Variants in EVC observed in about 807,000 individuals in gnomAD.
EVC encodes the protein EvC ciliary complex subunit 1, also known as evC complex member EVC.
In EVC, 116 loss-of-function variants were observed where a neutral mutation model predicts 118.9. The observed-to-expected ratio is 0.98, with a 90% CI of 0.84 to 1.14. The LOEUF (loss-of-function observed/expected upper bound fraction) is 1.14. EVC is among the 50% of genes most tolerant of loss of function. EVC has a pLI of 0.00. For missense variants in EVC, 1,401 were observed against 1,246.4 expected (o/e 1.12, Z -1.87); for synonymous variants, 619 against 534.7 (o/e 1.16, Z -2.18).
intron 11 of EVC, among the ~76,000 whole-genome samples, chr4:5,782,275 G>A (rs181391201): frequency 1.1e-3 from 162 of 151,138 alleles, no homozygotes; most frequent in Non-Finnish European, 1.8e-3. Context: ...GGGTTTCACC[G>A]TGTTGGCCAG....
chr4:5,809,186 C>A (rs779943381), intron 18 of EVC, among the ~76,000 whole-genome samples: 13 of 152,218 alleles, frequency 8.5e-5, no homozygotes, highest in Non-Finnish European at 1.9e-4. Context: ...TAGAGCCCAG[C>A]CTGTGGAGTC....
In EVC at chr4:5,745,278, G is replaced by A. The variant is rs902304992; in HGVS notation, c.876G>A (p.Glu292=). ...NTEMSGAGDS[E]YITLADVEKK... ...AAATGTCGGGGGCTGGTGACTCTGA[G>A]TACATCACCCTGGCTGATGTGGAAA... The change falls in exon 7 of 21, where the codon GAG becomes GAA. Residue 292 remains glutamate (E), a synonymous_variant. Transcript: ENST00000264956. The A allele has an allele frequency of 1.9e-6, 3 of 1,613,918 alleles. No homozygotes were observed. The highest frequency in any genetic ancestry group is 3.3e-5 in the Admixed American group (2 of 60,020).
At chr4:5,766,692 G>C (rs1188247789) in intron 11 of EVC, among the ~76,000 whole-genome samples, 1 of 133,810 alleles carries the variant, frequency 7.5e-6, no homozygotes, top group Non-Finnish European at 1.6e-5. Context: ...CCAGTTGATC[G>C]CATCGGCTCC....
chr4:5,808,071 C>A, intron 17 of EVC, 130 bp from the exon 18 acceptor site: 2 of 753,098 alleles, frequency 2.7e-6, no homozygotes, highest in Non-Finnish European at 4.5e-6. Flanking sequence ...GTGAATGGTG[C>A]CCCCGATGGC....
chr4:5,824,689 C>G, the EVC span: 5 of 967,536 alleles, frequency 5.2e-6, no homozygotes, highest in Non-Finnish European at 6.0e-6. Flanking sequence ...GATGTTGCCT[C>G]TTAGCTTACA....
the EVC span, among the ~76,000 whole-genome samples, chr4:5,820,070 C>A: frequency 1.3e-5 from 2 of 152,066 alleles, no homozygotes; most frequent in Non-Finnish European, 2.9e-5. Flanking sequence ...GGATTCAAAT[C>A]CTGGTTCCAT....
intron 4 of EVC, among the ~76,000 whole-genome samples, chr4:5,732,799 C>G (rs900105647): frequency 6.6e-6 from 1 of 152,126 alleles, no homozygotes; most frequent in Non-Finnish European, 1.5e-5. Flanking sequence ...TGCTTGAGCT[C>G]GGGAGTTTAA....
intron 18 of EVC, among the ~76,000 whole-genome samples, chr4:5,808,760 G>A (rs190288796): frequency 1.2e-4 from 19 of 152,184 alleles, no homozygotes; most frequent in Non-Finnish European, 2.9e-5. Context: ...GATATAAAGT[G>A]CATATTTCAT....
the EVC span, chr4:5,825,728 A>G: frequency 3.9e-6 from 6 of 1,545,086 alleles, no homozygotes; most frequent in Non-Finnish European, 5.3e-6. The surrounding 1 kb of genome is among the most constrained non-coding windows in gnomAD (Gnocchi z 4.4). Context: ...CAGATAAAGC[A>G]GAGCCCTGCG....
At position 5,734,427 on chromosome 4, in the gene EVC, C is replaced by T. The variant is rs143160141; in HGVS notation, c.702+992C>T. ...GGCTGAGGTGGGAGGATTGCTTAAG[C>T]CCAGGAATTTGAGACCAGCCTGGGC... On this transcript the variant is annotated intron_variant, in intron 5 of 20. Coordinates refer to ENST00000264956, the MANE Select transcript of EVC (RefSeq NM_153717.3). Among the ~76,000 whole-genome samples the T allele has an allele frequency of 2.2e-3, 338 of 152,098 alleles. 2 individuals carry two copies. The highest frequency in any genetic ancestry group is 6.8e-3 in the African/African-American group (284 of 41,470).
chr4:5,719,518 C>G lies in EVC; in HGVS notation c.300+145C>G. 8.4e-7 allele frequency: 1 copy of G among 1,192,364 alleles called. No homozygotes were observed. The highest frequency in any genetic ancestry group is 1.2e-6 in the Non-Finnish European group (1 of 814,272). 73.9% of individuals were successfully genotyped at this position (1,192,364 alleles called of 1,614,324 possible). A position where few individuals can be genotyped will look rare whatever the true frequency, so the allele number is the denominator to read the frequency against. Reference sequence around the variant, plus strand: ...TTCTGAGGCATAATTTACATACAGTCAAATGCGCAGACTTTAGGTTTTACA... The same window carrying G: ...TTCTGAGGCATAATTTACATACAGTGAAATGCGCAGACTTTAGGTTTTACA... On this transcript the variant is annotated intron_variant, in intron 2 of 20. Coordinates refer to ENST00000264956, the MANE Select transcript of EVC (RefSeq NM_153717.3). The surrounding 1 kb of genome is among the most constrained non-coding windows in gnomAD (Gnocchi z 4.7).
At chr4:5,725,141 G>A (rs186509741) in intron 2 of EVC, among the ~76,000 whole-genome samples, 56 of 152,188 alleles carry the variant, frequency 3.7e-4, no homozygotes, top group African/African-American at 1.3e-3. Context: ...GGGCTTTTGG[G>A]TTGATTCCAT....
At chr4:5,773,003 G>A (rs552424283) in intron 11 of EVC, among the ~76,000 whole-genome samples, 1 of 152,136 alleles carries the variant, frequency 6.6e-6, no homozygotes, top group African/African-American at 2.4e-5. Flanking sequence ...CCACAGCCTG[G>A]GGGGAGCATG....
At chr4:5,758,287 GA>G in intron 11 of EVC, 1 of 571,374 alleles carries the variant, frequency 1.8e-6, no homozygotes, top group Non-Finnish European at 3.1e-6. Flanking sequence ...AACGGTGAGA[GA>G]ATAAACTTCG....
chr4:5,739,954 T>G (rs1560311462), intron 5 of EVC, among the ~76,000 whole-genome samples: 1 of 150,492 alleles, frequency 6.6e-6, no homozygotes, highest in East Asian at 2.0e-4. Flanking sequence ...AATGCCTTAT[T>G]ATATCTAAAT....
At chr4:5,761,152 G>T (rs1426689556) in intron 11 of EVC, among the ~76,000 whole-genome samples, 1 of 152,082 alleles carries the variant, frequency 6.6e-6, no homozygotes, top group African/African-American at 2.4e-5. Flanking sequence ...AATGGAGACT[G>T]GGAGCCCATT....
the EVC span, chr4:5,828,579 T>C: frequency 1.2e-6 from 2 of 1,614,222 alleles, no homozygotes; most frequent in Non-Finnish European, 1.7e-6. Context: ...CGTTGATGTT[T>C]CCGTCTTCAA....
chr4:5,765,061 C>T (rs1334460369), intron 11 of EVC, among the ~76,000 whole-genome samples: 1 of 116,550 alleles, frequency 8.6e-6, no homozygotes, highest in Non-Finnish European at 1.9e-5. Flanking sequence ...TTTCTCTCTA[C>T]ACACTGCTTT....
intron 11 of EVC, among the ~76,000 whole-genome samples, chr4:5,758,465 C>A (rs1394969459): frequency 6.6e-6 from 1 of 152,082 alleles, no homozygotes; most frequent in Non-Finnish European, 1.5e-5. Context: ...TCCTTCCTTC[C>A]CAGATGAGGA....
Sources: gnomAD v4.1 joint callset for allele counts (sites outside exome capture counted in the v4.1 genomes callset) on GRCh38, gnomAD v4.1.1 for gene constraint, Gnocchi (gnomAD v3.1) non-coding constraint, MANE v1.5 for transcripts, NCBI Gene and HGNC (gene_info 2026-07-23, HGNC 2026-07-21) for gene names.